The following KLF8 variants were observed in gnomAD, a reference collection of about 807,000 sequenced individuals.
KLF8 encodes the protein KLF transcription factor 8.
Under a neutral mutation model 18.2 loss-of-function variants are expected in KLF8, and 10 were observed. The ratio of observed to expected loss-of-function variants is 0.55; its 90% CI spans 0.34 to 0.93. The LOEUF is 0.93. Ranked by LOEUF, KLF8 falls within the 40% of genes least tolerant of loss-of-function variation. The pLI is 0.02. For synonymous variants in KLF8, 109 were observed against 97.3 expected (o/e 1.12, Z -0.71); for missense variants, 264 against 277.9 (o/e 0.95, Z 0.36).
chrX:56,116,188 C>G, the KLF8 span, among the ~76,000 whole-genome samples: 1 of 112,743 alleles, frequency 8.9e-6, no homozygotes, highest in Non-Finnish European at 1.9e-5. Flanking sequence ...AGCATCTGGC[C>G]AAAGAGATCC....
chrX:56,071,854 G>C, the KLF8 span, among the ~76,000 whole-genome samples: 2 of 111,695 alleles, frequency 1.8e-5, no homozygotes, highest in Non-Finnish European at 1.9e-5. Context: ...AAATAAAGCT[G>C]GAGATATCAT....
At chrX:55,926,594 G>A in the KLF8 span, among the ~76,000 whole-genome samples, 1 of 110,422 alleles carries the variant, frequency 9.1e-6, no homozygotes. Context: ...TGCATATGGG[G>A]GCTAACACTT....
the KLF8 span, among the ~76,000 whole-genome samples, chrX:56,113,143 A>G: frequency 9.3e-6 from 1 of 107,513 alleles, no homozygotes; most frequent in Non-Finnish European, 1.9e-5. Flanking sequence ...GGTTGCAGTG[A>G]GCAGAGATTA....
the KLF8 span, among the ~76,000 whole-genome samples, chrX:56,114,591 T>C: frequency 7.1e-5 from 8 of 112,867 alleles, no homozygotes; most frequent in East Asian, 2.2e-3. Flanking sequence ...AAAAGTGGAA[T>C]GACCGTCCTC....
chrX:56,246,537 G>T (rs1233580120), intron 1 of KLF8, among the ~76,000 whole-genome samples: 1 of 111,341 alleles, frequency 9.0e-6, no homozygotes, highest in Non-Finnish European at 1.9e-5. Context: ...GACACAGGAG[G>T]CTGGAAAAAC....
At chrX:55,962,252 C>T in the KLF8 span, 1 of 188,939 alleles carries the variant, frequency 5.3e-6, no homozygotes, top group Non-Finnish European at 1.0e-5. Flanking sequence ...CATTAACATG[C>T]AGACTCAGCT....
the KLF8 span, among the ~76,000 whole-genome samples, chrX:55,911,787 A>G: frequency 8.9e-6 from 1 of 112,175 alleles, no homozygotes; most frequent in Non-Finnish European, 1.9e-5. Flanking sequence ...CTGGCCTTGA[A>G]ATTTCCACTT....
the KLF8 span, among the ~76,000 whole-genome samples, chrX:56,096,161 G>A: frequency 9.0e-6 from 1 of 111,533 alleles, no homozygotes; most frequent in Admixed American, 9.6e-5. Context: ...GATGGAACTG[G>A]AGGCCATTAT....
At chrX:55,990,638 C>T in the KLF8 span, among the ~76,000 whole-genome samples, 7 of 111,801 alleles carry the variant, frequency 6.3e-5, no homozygotes, top group African/African-American at 2.3e-4. Flanking sequence ...GTTTTATCTA[C>T]ATTTGGTCTT....
the KLF8 span, among the ~76,000 whole-genome samples, chrX:56,144,463 C>G: frequency 9.1e-6 from 1 of 109,902 alleles, no homozygotes. Flanking sequence ...GAACACTTTT[C>G]TTTCGGCTGG....
At position 56,287,705 on chromosome X, in the gene KLF8, A is replaced by C. The variant is rs1007065015; in HGVS notation, c.*3211A>C. The C allele has an allele frequency of 8.9e-6, 1 of 111,977 alleles. No homozygotes were observed. Among genetic ancestry groups the C allele is most frequent in the African/African-American group, 3.2e-5 (1 of 30,799 alleles). 9.2% of individuals were successfully genotyped at this position (111,977 alleles called of 1,213,427 possible). A position where few individuals can be genotyped will look rare whatever the true frequency, so the allele number is the denominator to read the frequency against. ...TATGGGCAAGACAAAGGTTTTCGAT[A>C]TTAACTTCTTTTAAAATAAACTTTT... On this transcript the variant is annotated 3_prime_UTR_variant, in exon 6 of 6. Transcript: ENST00000468660.
chrX:56,160,387 T>C, the KLF8 span, among the ~76,000 whole-genome samples: 310 of 111,824 alleles, frequency 2.8e-3, 3 homozygotes, highest in South Asian at 6.0e-3. Context: ...TGGAGAGTTC[T>C]GTAGATATCT....
At chrX:56,242,825 T>C (rs1199157553) in intron 1 of KLF8, 3 of 276,516 alleles carry the variant, frequency 1.1e-5, no homozygotes, top group Middle Eastern at 2.5e-3. Flanking sequence ...CTTCCTTTTC[T>C]CTCATTCCAG....
At chrX:56,067,158 G>A in the KLF8 span, among the ~76,000 whole-genome samples, 2 of 105,234 alleles carry the variant, frequency 1.9e-5, 1 homozygote, top group South Asian at 9.5e-4. Context: ...GTTTTGTGTG[G>A]TAGAAGCTTT....
At chrX:55,969,438 G>A in the KLF8 span, among the ~76,000 whole-genome samples, 4 of 111,411 alleles carry the variant, frequency 3.6e-5, no homozygotes, top group Non-Finnish European at 7.6e-5. Flanking sequence ...TAAACCTACA[G>A]GATGCAGTGA....
At chrX:56,039,156 G>A in the KLF8 span, among the ~76,000 whole-genome samples, 1 of 111,900 alleles carries the variant, frequency 8.9e-6, no homozygotes, top group Non-Finnish European at 1.9e-5. Flanking sequence ...CCATTTTGTA[G>A]GTTCTTTGTT....
chrX:55,938,968 A>T, the KLF8 span, among the ~76,000 whole-genome samples: 3 of 112,050 alleles, frequency 2.7e-5, no homozygotes, highest in Non-Finnish European at 3.8e-5. Context: ...AAGATCAATG[A>T]GACAGAAAGT....
At chrX:56,172,973 G>C in the KLF8 span, among the ~76,000 whole-genome samples, 1 of 111,846 alleles carries the variant, frequency 8.9e-6, no homozygotes, top group African/African-American at 3.2e-5. Context: ...AAATTTGTTT[G>C]AGTTCTTTGT....
the KLF8 span, among the ~76,000 whole-genome samples, chrX:56,192,287 T>A: frequency 2.7e-5 from 3 of 111,468 alleles, no homozygotes; most frequent in Non-Finnish European, 5.7e-5. Flanking sequence ...TATCTTGACA[T>A]TGAAAACTAT....
Sources: gnomAD v4.1 joint callset for allele counts (sites outside exome capture counted in the v4.1 genomes callset) on GRCh38, gnomAD v4.1.1 for gene constraint, MANE v1.5 for transcripts, NCBI Gene and HGNC (gene_info 2026-07-23, HGNC 2026-07-21) for gene names.